The following SDK1 variants were observed in gnomAD, a reference collection of about 807,000 sequenced individuals.
The protein encoded by SDK1 is sidekick cell adhesion molecule 1, also known as protein sidekick-1.
A neutral mutation model predicts 245.5 loss-of-function variants in SDK1; 157 were observed. The ratio of observed to expected loss-of-function variants is 0.64; its 90% CI spans 0.56 to 0.73. The LOEUF (loss-of-function observed/expected upper bound fraction) is 0.73, where lower values mean the gene tolerates loss of function less well. Ranked by LOEUF, SDK1 falls within the 30% of genes least tolerant of loss-of-function variation. SDK1 has a pLI of 0.00. For missense variants in SDK1, 3,583 were observed against 3,002.3 expected, an observed-to-expected ratio of 1.19 and a Z score of -4.52; for synonymous variants, 1,647 against 1,278.5, an observed-to-expected ratio of 1.29 and a Z score of -6.15.
chr7:3,953,545 G>C (rs866535776), intron 7 of SDK1, among the ~76,000 whole-genome samples: 4 of 152,312 alleles, frequency 2.6e-5, no homozygotes, highest in Non-Finnish European at 5.9e-5. Context: ...GCACATTATA[G>C]ATTCAGCCAA....
At position 3,951,044 on chromosome 7, in the gene SDK1, G is replaced by A. The variant is rs756248266; in HGVS notation, c.959+10G>A. ...GTATAGCCAGTGCCAGGTACGAGGCGCGTCTCCTGTGAGACTCCTAGTAAA... is the reference window on the plus strand; with the variant it reads ...GTATAGCCAGTGCCAGGTACGAGGCACGTCTCCTGTGAGACTCCTAGTAAA... On this transcript the variant is annotated intron_variant, in intron 6 of 44. Transcript: ENST00000404826. The A allele has an allele frequency of 3.6e-5, 57 of 1,579,848 alleles. No individual in the cohort carries two copies. Among genetic ancestry groups the A allele is most frequent in the South Asian group, 6.6e-5 (6 of 90,378 alleles).
At position 4,139,681 on chromosome 7, in the gene SDK1, G is replaced by GTGTGTA. The variant is rs1554358883; in HGVS notation, c.4229-6036_4229-6035insATGTGT. Among the ~76,000 whole-genome samples the GTGTGTA allele has an allele frequency of 2.6e-5, 3 of 113,450 alleles. No homozygotes were observed. In the East Asian group the frequency reaches 6.6e-4, roughly 25 times the overall value. 74.4% of individuals were successfully genotyped at this position (113,450 alleles called of 152,430 possible). On this transcript the variant is annotated intron_variant, in intron 28 of 44. Transcript: ENST00000404826. ...TGTGTATATGTGTGTGTGTATATGTGTGTGTGTGTATGTGTGTGTGTGTAT... is the reference window on the plus strand; with the variant it reads ...TGTGTATATGTGTGTGTGTATATGTGTGTGTATGTGTGTGTATGTGTGTGTGTGTAT...
rs779883362 is a variant in SDK1, at chr7:4,221,296, T to TGCAGTG, written c.5761_5766dup (p.Gln1921_Trp1922dup). 6.2e-7 allele frequency: 1 copy of TGCAGTG among 1,613,854 alleles called. No homozygotes were observed. The highest frequency in any genetic ancestry group is 1.1e-5 in the South Asian group (1 of 91,052). On this transcript the variant is annotated inframe_insertion, in exon 40 of 45. Transcript: ENST00000404826. ...ACCAAGTCCGCCTCTGAACTGACGCTGCAGTGGACTGAGGGACACTCTGGC... is the reference window on the plus strand; with the variant it reads ...ACCAAGTCCGCCTCTGAACTGACGCTGCAGTGGCAGTGGACTGAGGGACACTCTGGC...
At chr7:3,392,923 C>A (rs936757063) in intron 1 of SDK1, among the ~76,000 whole-genome samples, 1 of 146,530 alleles carries the variant, frequency 6.8e-6, no homozygotes. Context: ...TCATGATGAA[C>A]ATTGGCTTAC....
chr7:3,370,867 A>C (rs541660176), intron 1 of SDK1, among the ~76,000 whole-genome samples: 145 of 152,208 alleles, frequency 9.5e-4, no homozygotes, highest in African/African-American at 3.3e-3. Flanking sequence ...AGCCAGTCAT[A>C]CCTGGGTCCC....
intron 1 of SDK1, among the ~76,000 whole-genome samples, chr7:3,461,759 C>T (rs181594866): frequency 3.3e-5 from 5 of 152,158 alleles, no homozygotes; most frequent in African/African-American, 9.7e-5. Flanking sequence ...ATCCAACTTA[C>T]AGAAATGACT....
intron 20 of SDK1, among the ~76,000 whole-genome samples, chr7:4,072,514 CA>C (rs1161486101): frequency 6.6e-6 from 1 of 152,256 alleles, no homozygotes; most frequent in Non-Finnish European, 1.5e-5. Flanking sequence ...GAGCTCCCCC[CA>C]GCACCCACCA....
At chr7:3,314,570 A>G (rs1252267812) in intron 1 of SDK1, among the ~76,000 whole-genome samples, 1 of 152,202 alleles carries the variant, frequency 6.6e-6, no homozygotes, top group Non-Finnish European at 1.5e-5. Flanking sequence ...TGGCAACTTG[A>G]TATGATTGGT....
intron 1 of SDK1, among the ~76,000 whole-genome samples, chr7:3,607,097 G>T (rs989283519): frequency 4.6e-5 from 7 of 151,944 alleles, no homozygotes; most frequent in African/African-American, 1.7e-4. Context: ...GAAGTGGTTT[G>T]TGAAGCCCCT....
In SDK1 at chr7:3,551,563, T is replaced by G. The variant is rs139349394; in HGVS notation, c.299-67517T>G. On this transcript the variant is annotated intron_variant, in intron 1 of 44. Transcript: ENST00000404826. ...GCTTGCTTTGCTTGCCTCATTGGTT[T>G]TTTTTTTTTTAATTTTTCTGGAATT... Among the ~76,000 whole-genome samples the G allele has an allele frequency of 1.4e-4, 21 of 152,122 alleles. No individual in the cohort carries two copies. The East Asian group carries it at 3.9e-3, about 28-fold the overall frequency.
intron 5 of SDK1, among the ~76,000 whole-genome samples, chr7:3,884,083 G>GTTTTTTTT (rs529710738): frequency 4.4e-5 from 6 of 136,182 alleles, no homozygotes; most frequent in Non-Finnish European, 3.2e-5. Flanking sequence ...TTGTTTTTTT[G>GTTTTTTTT]TTTTTTTTTT....
At chr7:3,843,283 A>T (rs950902878) in intron 5 of SDK1, among the ~76,000 whole-genome samples, 1 of 152,068 alleles carries the variant, frequency 6.6e-6, no homozygotes, top group Non-Finnish European at 1.5e-5. Context: ...CATAACGTAG[A>T]CTCACATGGC....
intron 1 of SDK1, among the ~76,000 whole-genome samples, chr7:3,608,790 C>T (rs948245630): frequency 2.6e-5 from 4 of 152,248 alleles, no homozygotes; most frequent in East Asian, 1.9e-4. Context: ...TTTCAGAGTC[C>T]GCGTTGCAAC....
rs923881123 is a variant in SDK1, at chr7:3,777,928, A to C, written c.714-43522A>C. On this transcript the variant is annotated intron_variant, in intron 4 of 44. Coordinates refer to ENST00000404826, the MANE Select transcript of SDK1 (RefSeq NM_152744.4). ...TTCTCCCCTAATTATAAACAATAAA[A>C]GCCACAGCTTCATGCTGAGAAAGGA... Among the ~76,000 whole-genome samples the C allele has an allele frequency of 2.0e-5, 3 of 152,216 alleles. No individual in the cohort carries two copies. The East Asian group carries it at 5.8e-4, about 29-fold the overall frequency.
At chr7:3,326,944 TAGTG>T (rs5881976) in intron 1 of SDK1, among the ~76,000 whole-genome samples, 16,174 of 152,200 alleles carry the variant, frequency 0.11, 1,052 homozygotes, top group African/African-American at 0.18. Context: ...TAAACTTTAA[TAGTG>T]AGTTAATTGA....
intron 42 of SDK1, among the ~76,000 whole-genome samples, chr7:4,238,314 A>G (rs930268101): frequency 1.3e-5 from 2 of 152,026 alleles, no homozygotes; most frequent in African/African-American, 2.4e-5. Flanking sequence ...TCCTGACCTC[A>G]GGTGATCTGC....
intron 35 of SDK1, among the ~76,000 whole-genome samples, chr7:4,189,568 G>A (rs147307198): frequency 6.4e-4 from 98 of 152,256 alleles, no homozygotes; most frequent in Middle Eastern, 6.8e-3. Flanking sequence ...TCACTCGGCC[G>A]GCCAGGCATG....
intron 38 of SDK1, among the ~76,000 whole-genome samples, chr7:4,217,694 G>A (rs1365402750): frequency 6.6e-6 from 1 of 152,206 alleles, no homozygotes; most frequent in Non-Finnish European, 1.5e-5. Flanking sequence ...CGATTTTATG[G>A]CAGAGCTATT....
chr7:3,832,167 A>G (rs576762484), intron 5 of SDK1, among the ~76,000 whole-genome samples: 1 of 152,354 alleles, frequency 6.6e-6, no homozygotes, highest in Non-Finnish European at 1.5e-5. Context: ...AATCAAAGCA[A>G]CAAGTTACTT....
Sources: allele counts gnomAD v4.1 joint callset (sites outside exome capture counted in the v4.1 genomes callset), GRCh38; gene constraint gnomAD v4.1.1; transcripts MANE v1.5; gene names NCBI Gene and HGNC (gene_info 2026-07-23, HGNC 2026-07-21).